ZNF426: variants seen among roughly 807,000 people sequenced by gnomAD.
ZNF426 encodes the protein zinc finger protein 426, also known as CTC-543D15.7.
A neutral mutation model predicts 24.0 loss-of-function variants in ZNF426; 23 were observed. The ratio of observed to expected loss-of-function variants is 0.96; its 90% CI spans 0.69 to 1.36. The LOEUF is 1.36. Among genes scored for constraint, ZNF426 ranks in the 40% most tolerant of loss-of-function variants. ZNF426 has a pLI of 0.00. For missense variants in ZNF426, 646 were observed against 658.4 expected (o/e 0.98, Z 0.21); for synonymous variants, 272 against 224.6 (o/e 1.21, Z -1.89).
At position 9,529,418 on chromosome 19, in the gene ZNF426, T is replaced by G. The variant is rs755928922; in HGVS notation, c.627A>C (p.Thr209=). 7 of 1,613,756 alleles carry G rather than the reference T, an allele frequency of 4.3e-6. No homozygotes were observed. Among genetic ancestry groups the G allele is most frequent in the Non-Finnish European group, 5.9e-6 (7 of 1,179,902 alleles). The change falls in exon 8 of 8, where the codon ACA becomes ACC. Residue 209 remains threonine, a synonymous_variant. Coordinates refer to ENST00000253115, the MANE Select transcript of ZNF426 (RefSeq NM_024106.3). The stretch of plus-strand genomic sequence containing the variant: ...TAGTTCTCTGGTATACAATATTTGG[T>G]GTCAGGCTGAAGATTTTTTCACTCT... The part of the protein sequence containing the change: ...FNQSEKIFSL[T]PNIVYQRTST...
In ZNF426 at chr19:9,533,980, C is replaced by A. The variant is rs373324115; in HGVS notation, c.118-14G>T. On this transcript the variant is annotated splice_polypyrimidine_tract_variant and intron_variant, in intron 4 of 7. Coordinates refer to ENST00000253115, the MANE Select transcript of ZNF426 (RefSeq NM_024106.3). ...GGTCACTGAATCCTAAAGCATCACA[C>A]ACATGCTGGTTGGAGCCAAGTAACA... 2.0e-5 allele frequency: 32 copies of A among 1,611,000 alleles called. No individual in the cohort carries two copies. The African/African-American group carries it at 4.0e-4, about 20-fold the overall frequency.
At chr19:9,534,422 G>C (rs1292930943) in intron 4 of ZNF426, among the ~76,000 whole-genome samples, 1 of 152,008 alleles carries the variant, frequency 6.6e-6, no homozygotes, top group African/African-American at 2.4e-5. Flanking sequence ...GGCTAGGTTG[G>C]TCTCGAACTC....
intron 6 of ZNF426, among the ~76,000 whole-genome samples, chr19:9,532,099 G>A (rs569048957): frequency 2.0e-5 from 3 of 152,006 alleles, no homozygotes; most frequent in African/African-American, 4.8e-5. Context: ...ATGATTCTTC[G>A]ATCTGGTAAC....
In ZNF426 at chr19:9,533,862, G is replaced by T. The variant is rs745749138; in HGVS notation, c.222C>A (p.Asn74Lys). 1.9e-6 allele frequency: 3 copies of T among 1,614,120 alleles called. No homozygotes were observed. Among genetic ancestry groups the T allele is most frequent in the Non-Finnish European group, 2.5e-6 (3 of 1,179,976 alleles). ...TACCTACTGTGGCCAGGTTCTTGTA[G>T]TTCTCCAGCATCACGTCACTGTAGA... ...RSLYSDVMLE[N>K]YKNLATVGGQ... Residue 74 changes from asparagine to lysine, a missense_variant, in exon 5 of 8, where the codon AAC (asparagine) becomes AAA (lysine). Asn to Lys is a moderately conservative substitution (Grantham distance 94). Coordinates refer to ENST00000253115, the MANE Select transcript of ZNF426 (RefSeq NM_024106.3).
In ZNF426 at chr19:9,525,920, C is replaced by T. The variant is rs2073787550; in HGVS notation, c.*2460G>A. 6.6e-6 allele frequency: 1 copy of T among 152,078 alleles called. No individual in the cohort carries two copies. Among genetic ancestry groups the T allele is most frequent in the Admixed American group, 6.6e-5 (1 of 15,238 alleles). The allele number at this position is 152,078 out of a possible 1,614,324, so 9.4% of individuals were successfully genotyped here. A position where few individuals can be genotyped will look rare whatever the true frequency, so the allele number is the denominator to read the frequency against. On this transcript the variant is annotated 3_prime_UTR_variant, in exon 8 of 8. Transcript: ENST00000253115. ...ATTCAGGCTGGTCATGAACTCCCAA[C>T]CTCAGGTGATCCACCTGCCTTGGCC...
chr19:9,528,255 T>C lies in ZNF426; in HGVS notation c.*125A>G. The C allele has an allele frequency of 5.8e-6, 6 of 1,042,142 alleles. No homozygotes were observed. Among genetic ancestry groups the C allele is most frequent in the Non-Finnish European group, 8.2e-6 (6 of 736,142 alleles). The allele number at this position is 1,042,142 out of a possible 1,614,324, so 64.6% of individuals were successfully genotyped here. On this transcript the variant is annotated 3_prime_UTR_variant, in exon 8 of 8. Transcript: ENST00000253115. ...CACCCACCTCAGCCTCTCAAAATGC[T>C]GGGATTACAGGAATTAAGTAATTTT...
intron 7 of ZNF426, among the ~76,000 whole-genome samples, chr19:9,530,268 C>G (rs751118176): frequency 6.6e-6 from 1 of 151,984 alleles, no homozygotes; most frequent in Admixed American, 6.6e-5. Context: ...GCCTGGGCAA[C>G]ATGGCAAAAC....
rs536611279 is a variant in ZNF426, at chr19:9,526,081, C to G, written c.*2299G>C. ...TGACCCAACTAAAGGGTGGGAAAAA[C>G]TGAAGTTCACAGTGCAGAAGCACAG... On this transcript the variant is annotated 3_prime_UTR_variant, in exon 8 of 8. Transcript: ENST00000253115. 6.6e-6 allele frequency: 1 copy of G among 152,154 alleles called. No individual in the cohort carries two copies. The highest frequency in any genetic ancestry group is 1.5e-5 in the Non-Finnish European group (1 of 68,050). 9.4% of individuals were successfully genotyped at this position (152,154 alleles called of 1,614,324 possible).
At position 9,529,156 on chromosome 19, in the gene ZNF426, T is replaced by C. The variant is rs776458918; in HGVS notation, c.889A>G (p.Ile297Val). ...KGYRYPAYLS[I>V]HMRTHTGEKP... ...TCCCCAGTGTGGGTTCGCATGTGAA[T>C]ACTGAGGTAGGCTGGGTATCTATAG... The change falls in exon 8 of 8, where the codon ATT becomes GTT. Residue 297 changes from isoleucine (I) to valine (V), a missense_variant. Transcript: ENST00000253115. 3 of 1,614,262 alleles carry C rather than the reference T, an allele frequency of 1.9e-6. No homozygotes were observed. In the South Asian group the frequency reaches 3.3e-5, roughly 18 times the overall value.
Position 9,523,619 on chromosome 19 carries a change from G to T in ZNF426, c.*4761C>A, listed in dbSNP as rs2073763721. 2 of 152,204 alleles carry T rather than the reference G, an allele frequency of 1.3e-5. No homozygotes were observed. Among genetic ancestry groups the T allele is most frequent in the Non-Finnish European group, 2.9e-5 (2 of 68,044 alleles). The allele number at this position is 152,204 out of a possible 1,614,324, so 9.4% of individuals were successfully genotyped here. A position where few individuals can be genotyped will look rare whatever the true frequency, so the allele number is the denominator to read the frequency against. On this transcript the variant is annotated 3_prime_UTR_variant, in exon 8 of 8. Coordinates refer to ENST00000253115, the MANE Select transcript of ZNF426 (RefSeq NM_024106.3). ...GGTCCCCTAACTTTTTGGCACCAGG[G>T]ACCAGTTTCGTGGAAGACATTTTTC...
chr19:9,528,954 T>C lies in ZNF426; in HGVS notation c.1091A>G (p.Tyr364Cys), dbSNP rs760381196. Residue 364 changes from tyrosine to cysteine, a missense_variant, in exon 8 of 8, where the codon TAT becomes TGT. Coordinates refer to ENST00000253115, the MANE Select transcript of ZNF426 (RefSeq NM_024106.3). The stretch of plus-strand genomic sequence containing the variant: ...GGATTTCCCACATTCCTTACATTCA[T>C]AGGGCTTGTCTCCACTGTGAGATCG... ...HVRSHSGDKPYECKECGKSFL... is the reference protein window; with the variant it reads ...HVRSHSGDKPCECKECGKSFL... The C allele has an allele frequency of 7.4e-6, 12 of 1,613,868 alleles. No homozygotes were observed. The highest frequency in any genetic ancestry group is 2.2e-5 in the East Asian group (1 of 44,878).
chr19:9,532,918 C>G lies in ZNF426; in HGVS notation c.252G>C (p.Gln84His). The G allele has an allele frequency of 6.2e-7, 1 of 1,613,558 alleles. No individual in the cohort carries two copies. The highest frequency in any genetic ancestry group is 8.5e-7 in the Non-Finnish European group (1 of 1,179,514). Residue 84 changes from glutamine (Q) to histidine (H), a missense_variant, in exon 6 of 8, where the codon CAG becomes CAC. Transcript: ENST00000253115. The stretch of plus-strand genomic sequence containing the variant: ...AAGAGATTAGACTGGGTTTGATGAT[C>G]TGACCTCCTGAGCACAGAGAAATAC... ...NYKNLATVGG[Q>H]IIKPSLISWL... is the part of the protein sequence containing the mutation.
chr19:9,536,150 C>A (rs868444092), intron 3 of ZNF426, 58 bp downstream of exon 3: 2 of 1,611,194 alleles, frequency 1.2e-6, no homozygotes, highest in Middle Eastern at 3.3e-4. Context: ...CCACTAGACC[C>A]TATATTGTGT....
At chr19:9,537,129 C>CA (rs546953266) in intron 2 of ZNF426, among the ~76,000 whole-genome samples, 43 of 136,102 alleles carry the variant, frequency 3.2e-4, no homozygotes, top group South Asian at 9.0e-4. Flanking sequence ...GACTCTGTCT[C>CA]AAAAAAAAAA....
chr19:9,532,915 G>T lies in ZNF426; in HGVS notation c.255C>A (p.Ile85=). ...ACCAAGAGATTAGACTGGGTTTGATGATCTGACCTCCTGAGCACAGAGAAA... is the reference window on the plus strand; with the variant it reads ...ACCAAGAGATTAGACTGGGTTTGATTATCTGACCTCCTGAGCACAGAGAAA... ...YKNLATVGGQ[I]IKPSLISWLE... is the part of the protein sequence containing the mutation. The change falls in exon 6 of 8, where the codon ATC becomes ATA. Residue 85 remains isoleucine, a synonymous_variant. Coordinates refer to ENST00000253115, the MANE Select transcript of ZNF426 (RefSeq NM_024106.3). The T allele has an allele frequency of 6.2e-7, 1 of 1,613,580 alleles. No individual in the cohort carries two copies. The highest frequency in any genetic ancestry group is 1.1e-5 in the South Asian group (1 of 91,038).
At position 9,531,005 on chromosome 19, in the gene ZNF426, T is replaced by C. The variant is rs2073874959; in HGVS notation, c.388A>G (p.Thr130Ala). The change falls in exon 7 of 8, where the codon ACA becomes GCA. Residue 130 changes from threonine to alanine, a missense_variant. By Grantham distance (58) the Thr-to-Ala change is moderately conservative. Transcript: ENST00000253115. ...ILQQDFLRGQ[T>A]SIGIQLEGKH... ...CTTACCAATTGTATCCCAATGGATG[T>C]CTGACCCCTCAAAAAGTCCTGCTGA... The C allele has an allele frequency of 6.2e-7, 1 of 1,613,760 alleles. No homozygotes were observed. The highest frequency in any genetic ancestry group is 8.5e-7 in the Non-Finnish European group (1 of 1,179,614).
Position 9,528,220 on chromosome 19 carries a change from T to A in ZNF426, c.*160A>T. The stretch of plus-strand genomic sequence containing the variant: ...CCAGGGTGGTCTCAAACTCCTGACC[T>A]CAAGTGATCCACCCACCTCAGCCTC... On this transcript the variant is annotated 3_prime_UTR_variant, in exon 8 of 8. Transcript: ENST00000253115. 1 of 730,356 alleles carries A rather than the reference T, an allele frequency of 1.4e-6. No individual in the cohort carries two copies. Among genetic ancestry groups the A allele is most frequent in the Non-Finnish European group, 2.1e-6 (1 of 468,706 alleles). The allele number at this position is 730,356 out of a possible 1,614,324, so 45.2% of individuals were successfully genotyped here.
At chr19:9,534,409 A>G (rs762828553) in intron 4 of ZNF426, among the ~76,000 whole-genome samples, 3 of 151,672 alleles carry the variant, frequency 2.0e-5, no homozygotes. Context: ...GTTTCAGCAT[A>G]CTGGCTAGGT....
chr19:9,528,898 T>C lies in ZNF426; in HGVS notation c.1147A>G (p.Ile383Val), dbSNP rs758455528. The C allele has an allele frequency of 6.2e-7, 1 of 1,614,022 alleles. No individual in the cohort carries two copies. The highest frequency in any genetic ancestry group is 1.1e-5 in the South Asian group (1 of 91,068). The change falls in exon 8 of 8, where the codon ATA becomes GTA. Residue 383 changes from isoleucine to valine, a missense_variant. Coordinates refer to ENST00000253115, the MANE Select transcript of ZNF426 (RefSeq NM_024106.3). Reference sequence around the variant, plus strand: ...GGCTTCTCTCCAGTGTGAGTTCTTATATGTTGAATAAGGCGTGAGGATGTA... The same window carrying C: ...GGCTTCTCTCCAGTGTGAGTTCTTACATGTTGAATAAGGCGTGAGGATGTA... ...FLTSSRLIQHIRTHTGEKPFV... is the reference protein window; with the variant it reads ...FLTSSRLIQHVRTHTGEKPFV...
Sources: gnomAD v4.1 joint callset for allele counts (sites outside exome capture counted in the v4.1 genomes callset) on GRCh38, gnomAD v4.1.1 for gene constraint, MANE v1.5 for transcripts, NCBI Gene and HGNC (gene_info 2026-07-23, HGNC 2026-07-21) for gene names.